DPY19L4: variants seen among roughly 807,000 people sequenced by gnomAD.
The protein encoded by DPY19L4 is dpy-19 like 4, also known as probable C-mannosyltransferase DPY19L4.
DPY19L4 carries 97 observed loss-of-function variants against 102.8 expected under a neutral mutation model. The observed-to-expected ratio is 0.94, with a 90% CI of 0.80 to 1.12. The LOEUF (loss-of-function observed/expected upper bound fraction) is 1.12. Among genes scored for constraint, DPY19L4 ranks in the 50% most tolerant of loss-of-function variants. The pLI is 0.00. For missense variants in DPY19L4, 815 were observed against 850.4 expected (o/e 0.96, Z 0.52); for synonymous variants, 252 against 283.1 (o/e 0.89, Z 1.10).
rs149224569 is a variant in DPY19L4, at chr8:94,784,076, T to C, written c.1848+274T>C. 2.5e-3 allele frequency among the ~76,000 whole-genome samples: 377 copies of C among 152,332 alleles called. 3 individuals are homozygous for C. The highest frequency in any genetic ancestry group is 8.5e-3 in the African/African-American group (354 of 41,574). On this transcript the variant is annotated intron_variant, in intron 17 of 18. Transcript: ENST00000414645. ...TTCCACAAAGTATCAAGGGACCTAA[T>C]GTGTAATATTTTACCCAGGCTGGAA... is the stretch of plus-strand genomic sequence containing the variant.
intron 18 of DPY19L4, among the ~76,000 whole-genome samples, chr8:94,789,039 C>A (rs1390665115): frequency 2.0e-5 from 3 of 152,128 alleles, no homozygotes; most frequent in African/African-American, 7.2e-5. Context: ...ACTGGTGACA[C>A]AAATGGAATT....
rs775042574 is a variant in DPY19L4, at chr8:94,783,774, A to G, written c.1820A>G (p.Asp607Gly). ...GTGACAAGTTTGCCTCTTTACAATGATGATGATCTTCTCAAGAGAAATGAA... is the reference window on the plus strand; with the variant it reads ...GTGACAAGTTTGCCTCTTTACAATGGTGATGATCTTCTCAAGAGAAATGAA... ...WMVTSLPLYNDDDLLKRNENI... is the reference protein window; with the variant it reads ...WMVTSLPLYNGDDLLKRNENI... Residue 607 changes from aspartate to glycine, a missense_variant, in exon 17 of 19, where the codon GAT becomes GGT. Transcript: ENST00000414645. 1 of 1,614,000 alleles carries G rather than the reference A, an allele frequency of 6.2e-7. No individual in the cohort carries two copies. Among genetic ancestry groups the G allele is most frequent in the Non-Finnish European group, 8.5e-7 (1 of 1,180,016 alleles).
chr8:94,739,825 T>G, intron 6 of DPY19L4, 35 bp downstream of exon 6: 1 of 1,607,162 alleles, frequency 6.2e-7, no homozygotes, highest in Non-Finnish European at 8.5e-7. Context: ...TTTAAAAACT[T>G]TTTGTGGCTG....
At chr8:94,751,709 CG>C (rs1811938962) in intron 6 of DPY19L4, among the ~76,000 whole-genome samples, 1 of 152,000 alleles carries the variant, frequency 6.6e-6, no homozygotes, top group Non-Finnish European at 1.5e-5. Context: ...AGGCTGATCT[CG>C]AACTCCTGGG....
chr8:94,734,822 G>A, intron 3 of DPY19L4, 68 bp downstream of exon 3: 1 of 1,596,562 alleles, frequency 6.3e-7, no homozygotes, highest in East Asian at 2.2e-5. Flanking sequence ...TGTATGATAA[G>A]TATGACAAGT....
In DPY19L4 at chr8:94,746,288, T is replaced by C. The variant is rs1158354099; in HGVS notation, c.611+6498T>C. Among the ~76,000 whole-genome samples the C allele has an allele frequency of 2.7e-5, 4 of 148,290 alleles. No individual in the cohort carries two copies. The East Asian group carries it at 8.3e-4, about 31-fold the overall frequency. The stretch of plus-strand genomic sequence containing the variant: ...ATTGGCCAGGCTGGTCTTGAACTCC[T>C]GAACTTAGGCGATTCACCTGCCTTG... On this transcript the variant is annotated intron_variant, in intron 6 of 18. Coordinates refer to ENST00000414645, the MANE Select transcript of DPY19L4 (RefSeq NM_181787.3).
chr8:94,739,446 T>C lies in DPY19L4; in HGVS notation c.377T>C (p.Val126Ala), dbSNP rs561468632. The part of the protein sequence containing the change: ...VYELTHNNKT[V>A]SLKTINAVQQ... ...GAACTGACACACAATAACAAAACTGTATCTCTGAAGACTATAAATGCAGTG... is the reference window on the plus strand; with the variant it reads ...GAACTGACACACAATAACAAAACTGCATCTCTGAAGACTATAAATGCAGTG... The change falls in exon 5 of 19, where the codon GTA (valine) becomes GCA (alanine). Residue 126 changes from valine to alanine, a missense_variant. By Grantham distance (64) the Val-to-Ala change is moderately conservative. Transcript: ENST00000414645. 1.4e-5 allele frequency: 22 copies of C among 1,594,966 alleles called. No individual in the cohort carries two copies. In the South Asian group the frequency reaches 2.1e-4, roughly 15 times the overall value.
At position 94,726,317 on chromosome 8, in the gene DPY19L4, TTAAA is replaced by T; in HGVS notation, c.17-11_17-8del. The T allele has an allele frequency of 6.3e-7, 1 of 1,586,226 alleles. No individual in the cohort carries two copies. Among genetic ancestry groups the T allele is most frequent in the Middle Eastern group, 1.7e-4 (1 of 5,844 alleles). On this transcript the variant is annotated splice_polypyrimidine_tract_variant and intron_variant, in intron 1 of 18. Transcript: ENST00000414645. ...TTTATACACACATTGCAATAATGTC[TTAAA>T]TATTTTAAGGACCACCTGTAGAGCT...
chr8:94,761,357 T>A (rs1472151019), intron 7 of DPY19L4, among the ~76,000 whole-genome samples: 1 of 152,210 alleles, frequency 6.6e-6, no homozygotes. Context: ...ACCAGCCAGG[T>A]CTAGTAAATG....
Position 94,790,456 on chromosome 8 carries a change from G to A in DPY19L4, c.*546G>A, listed in dbSNP as rs959438056. The stretch of plus-strand genomic sequence containing the variant: ...TATATAAAGGAAAGTGATTTTTAAG[G>A]ATATACATAAAGATATATTTAGAAT... On this transcript the variant is annotated 3_prime_UTR_variant, in exon 19 of 19. Coordinates refer to ENST00000414645, the MANE Select transcript of DPY19L4 (RefSeq NM_181787.3). The A allele has an allele frequency of 1.3e-5, 2 of 152,400 alleles. No homozygotes were observed. The highest frequency in any genetic ancestry group is 2.9e-5 in the Non-Finnish European group (2 of 67,928). The allele number at this position is 152,400 out of a possible 1,614,324, so 9.4% of individuals were successfully genotyped here.
At chr8:94,765,900 T>A in intron 10 of DPY19L4, 91 bp downstream of exon 10, 1 of 816,382 alleles carries the variant, frequency 1.2e-6, no homozygotes, top group Non-Finnish European at 1.9e-6. Flanking sequence ...AGATAGCACG[T>A]AATAGAGTTT....
chr8:94,722,654 C>T (rs1810517916), intron 1 of DPY19L4, among the ~76,000 whole-genome samples: 1 of 152,052 alleles, frequency 6.6e-6, no homozygotes, highest in Non-Finnish European at 1.5e-5. Context: ...ATACATATAG[C>T]AAACCTGTCT....
At chr8:94,773,986 G>A (rs1418538918) in intron 13 of DPY19L4, among the ~76,000 whole-genome samples, 1 of 138,086 alleles carries the variant, frequency 7.2e-6, no homozygotes, top group Non-Finnish European at 1.5e-5. Flanking sequence ...AGTGAGCCAT[G>A]ATCACACCAC....
At chr8:94,767,162 C>A (rs185727450) in intron 11 of DPY19L4, among the ~76,000 whole-genome samples, 1 of 152,142 alleles carries the variant, frequency 6.6e-6, no homozygotes, top group Non-Finnish European at 1.5e-5. Flanking sequence ...AGTAGACATT[C>A]TCAGTCCATC....
intron 6 of DPY19L4, among the ~76,000 whole-genome samples, chr8:94,746,974 A>G (rs1359373691): frequency 1.3e-5 from 2 of 151,918 alleles, no homozygotes; most frequent in African/African-American, 4.8e-5. Context: ...TGAATGACTC[A>G]GTTCTCATCA....
At chr8:94,757,497 C>T (rs1018417932) in intron 7 of DPY19L4, among the ~76,000 whole-genome samples, 14 of 152,144 alleles carry the variant, frequency 9.2e-5, no homozygotes, top group African/African-American at 3.4e-4. Context: ...GCAACCTCTG[C>T]GTCCCGGGCT....
chr8:94,748,763 G>A (rs570880540), intron 6 of DPY19L4, among the ~76,000 whole-genome samples: 46 of 152,282 alleles, frequency 3.0e-4, no homozygotes, highest in African/African-American at 1.0e-3. Context: ...ATAGGAGCAC[G>A]AACCCTATTG....
chr8:94,780,935 A>C (rs748424822), intron 15 of DPY19L4, 149 bp from the exon 16 acceptor site: 11 of 584,528 alleles, frequency 1.9e-5, no homozygotes, highest in Non-Finnish European at 3.2e-5. Context: ...GAGATCCATC[A>C]TGACATTTTT....
chr8:94,780,057 G>A (rs1813361686), intron 14 of DPY19L4, among the ~76,000 whole-genome samples: 1 of 151,808 alleles, frequency 6.6e-6, no homozygotes, highest in Admixed American at 6.6e-5. Context: ...TAAATTTCTG[G>A]CAAATTTTTC....
Sources: gnomAD v4.1 joint callset for allele counts (sites outside exome capture counted in the v4.1 genomes callset) on GRCh38, gnomAD v4.1.1 for gene constraint, MANE v1.5 for transcripts, NCBI Gene and HGNC (gene_info 2026-07-23, HGNC 2026-07-21) for gene names.